SRRM1: variants seen among roughly 807,000 people sequenced by gnomAD.
SRRM1 encodes serine and arginine repetitive matrix 1.
In SRRM1, 19 loss-of-function variants were observed where a neutral mutation model predicts 110.2. The observed-to-expected ratio is 0.17, with a 90% confidence interval of 0.12 to 0.25. SRRM1 has a LOEUF of 0.25. SRRM1 is among the 10% of genes least tolerant of loss of function. The pLI is 1.00. For synonymous variants in SRRM1, 443 were observed against 414.9 expected, an observed-to-expected ratio of 1.07 and a Z score of -0.82; for missense variants, 918 against 1,145.8, an observed-to-expected ratio of 0.80 and a Z score of 2.87.
chr1:24,666,808 G>T lies in SRRM1; in HGVS notation c.1629-7G>T, dbSNP rs765398949. 6 of 1,608,836 alleles carry T rather than the reference G, an allele frequency of 3.7e-6. 1 individual carries two copies. In the South Asian group the frequency reaches 5.5e-5, roughly 15 times the overall value. ...AAAAAAATTAACTATAATTCTTCTT[G>T]GTTTAGTGGTAGACGGAGGAGAAGT... On this transcript the variant is annotated splice_polypyrimidine_tract_variant and splice_region_variant and intron_variant, in intron 12 of 16. Transcript: ENST00000323848.
In SRRM1 at chr1:24,669,410, C is replaced by T. The variant is rs760682595; in HGVS notation, c.2027C>T (p.Pro676Leu). 1.1e-5 allele frequency: 18 copies of T among 1,614,150 alleles called. No individual in the cohort carries two copies. In the South Asian group the frequency reaches 1.9e-4, roughly 17 times the overall value. The change falls in exon 14 of 17, where the codon CCA becomes CTA. Residue 676 changes from proline to leucine, a missense_variant. Physicochemically the swap from Pro to Leu is moderately conservative, Grantham distance 98. Around this residue, in one of 5 missense-constraint regions of SRRM1, gnomAD observed 357 missense variants for 402.9 expected, o/e 0.89. Coordinates refer to ENST00000323848, the MANE Select transcript of SRRM1 (RefSeq NM_005839.4). ...CGCTCTACCCGGGAGGCCCGATCAC[C>T]ACAACCAAACAAACGGCATTCGCCC... Reference protein sequence around the residue: ...PSRSTREARSPQPNKRHSPSP... With the variant: ...PSRSTREARSLQPNKRHSPSP...
chr1:24,648,308 G>A (rs975334669), intron 3 of SRRM1: 1 of 152,238 alleles, frequency 6.6e-6, no homozygotes, highest in Admixed American at 6.5e-5. Flanking sequence ...TTGAGGCATT[G>A]TTATAATAGA....
rs117369256 is a variant in SRRM1, at chr1:24,672,168, T to G, written c.2611-14T>G. ...GGTCTCAAGACTTAACCGTGTAAAT[T>G]CTGTTTTTTTTAGGAGACTGAAAGT... On this transcript the variant is annotated splice_polypyrimidine_tract_variant and intron_variant, in intron 16 of 16. Transcript: ENST00000323848. 803 of 1,598,064 alleles carry G rather than the reference T, an allele frequency of 5.0e-4. 19 individuals are homozygous for G. In the East Asian group the frequency reaches 0.018, roughly 35 times the overall value.
At chr1:24,660,663 T>C in intron 9 of SRRM1, 56 bp from the exon 10 acceptor site, 1 of 861,328 alleles carries the variant, frequency 1.2e-6, no homozygotes, top group South Asian at 2.0e-5. Flanking sequence ...AAGAAAAGCA[T>C]CTTGTATAGA....
intron 1 of SRRM1, among the ~76,000 whole-genome samples, chr1:24,645,671 C>CT (rs1657075260): frequency 6.6e-6 from 1 of 152,178 alleles, no homozygotes. Context: ...CCCTACGTAT[C>CT]TATTAGCATA....
chr1:24,648,288 A>C (rs1354569174), intron 3 of SRRM1: 2 of 152,296 alleles, frequency 1.3e-5, no homozygotes, highest in African/African-American at 4.8e-5. Flanking sequence ...CTTTGTGGAC[A>C]GTTGAGAATT....
chr1:24,648,839 C>T lies in SRRM1; in HGVS notation c.235-20C>T, dbSNP rs778145633. On this transcript the variant is annotated intron_variant, in intron 3 of 16. Coordinates refer to ENST00000323848, the MANE Select transcript of SRRM1 (RefSeq NM_005839.4). ...GGTTTTGAAGTAACCTGTTTTTCTT[C>T]CTGTCGTGTCTTTTTGCAGAATCCA... 14 of 1,602,184 alleles carry T rather than the reference C, an allele frequency of 8.7e-6. No individual in the cohort carries two copies. The highest frequency in any genetic ancestry group is 1.1e-5 in the Non-Finnish European group (13 of 1,176,032).
Position 24,652,550 on chromosome 1 carries a change from G to T in SRRM1, c.842G>T (p.Arg281Leu). 6.2e-7 allele frequency: 1 copy of T among 1,613,718 alleles called. No homozygotes were observed. Among genetic ancestry groups the T allele is most frequent in the Non-Finnish European group, 8.5e-7 (1 of 1,179,906 alleles). ...AAGACCCGACCACGATCTCGGTCAC[G>T]CTCCAAATCAAGATCCCGGACGCGG... ...KEKTRPRSRS[R>L]SKSRSRTRSR... Residue 281 changes from arginine to leucine, a missense_variant, in exon 7 of 17, where the codon CGC (arginine) becomes CTC (leucine). Arg to Leu is a moderately radical substitution (Grantham distance 102). Transcript: ENST00000323848.
chr1:24,656,075 TAAAAA>T (rs1038064714), intron 9 of SRRM1, among the ~76,000 whole-genome samples: 1 of 152,014 alleles, frequency 6.6e-6, no homozygotes, highest in Non-Finnish European at 1.5e-5. Context: ...TCCTGACTCT[TAAAAA>T]AAGAGAGAGA....
At chr1:24,669,061 C>T in intron 13 of SRRM1, 62 bp from the exon 14 acceptor site, 1 of 1,435,180 alleles carries the variant, frequency 7.0e-7, no homozygotes, top group Non-Finnish European at 9.6e-7. Context: ...CTACTGATTA[C>T]TTTTCATCCT....
chr1:24,654,449 T>G (rs1444321710), intron 8 of SRRM1: 2 of 985,050 alleles, frequency 2.0e-6, no homozygotes, highest in Non-Finnish European at 2.7e-6. Flanking sequence ...TTGCACATCT[T>G]TTTTAAAAAT....
At chr1:24,659,289 T>A (rs1284956410) in intron 9 of SRRM1, among the ~76,000 whole-genome samples, 1 of 152,214 alleles carries the variant, frequency 6.6e-6, no homozygotes, top group African/African-American at 2.4e-5. Context: ...AAGATGCGAT[T>A]ACTGTGTTAG....
intron 11 of SRRM1, among the ~76,000 whole-genome samples, chr1:24,661,929 T>C (rs924752169): frequency 1.3e-5 from 2 of 151,356 alleles, no homozygotes; most frequent in African/African-American, 4.9e-5. Context: ...CTACGAAAAA[T>C]ACAAAAATTA....
At position 24,652,474 on chromosome 1, in the gene SRRM1, C is replaced by A. The variant is rs1661552161; in HGVS notation, c.766C>A (p.Pro256Thr). The A allele has an allele frequency of 1.2e-6, 2 of 1,607,484 alleles. No individual in the cohort carries two copies. Among genetic ancestry groups the A allele is most frequent in the Admixed American group, 1.7e-5 (1 of 59,500 alleles). The change falls in exon 7 of 17, where the codon CCT becomes ACT. Residue 256 changes from proline (P) to threonine (T), a missense_variant. Pro to Thr is a conservative substitution (Grantham distance 38). Around this residue, in one of 5 missense-constraint regions of SRRM1, gnomAD observed 456 missense variants for 453.5 expected, o/e 1.01. Transcript: ENST00000323848. The part of the protein sequence containing the change: ...KVPKPEPIPE[P>T]KEPSPEKNSK... Reference sequence around the variant, plus strand: ...TCCCAAACCTGAACCTATACCAGAGCCTAAAGAACCTTCTCCGGAAAAAAA... The same window carrying A: ...TCCCAAACCTGAACCTATACCAGAGACTAAAGAACCTTCTCCGGAAAAAAA...
chr1:24,652,054 A>ATATATATG (rs890451642), intron 6 of SRRM1, among the ~76,000 whole-genome samples: 2 of 134,728 alleles, frequency 1.5e-5, no homozygotes, highest in African/African-American at 5.4e-5. Context: ...ATATATATAT[A>ATATATATG]TATATATATG....
At chr1:24,662,529 C>G in intron 11 of SRRM1, 131 bp from the exon 12 acceptor site, 1 of 675,980 alleles carries the variant, frequency 1.5e-6, no homozygotes, top group Non-Finnish European at 2.4e-6. Flanking sequence ...GATAATGATT[C>G]TGTTCAGAAC....
chr1:24,655,161 C>G (rs1246767597), intron 9 of SRRM1, 32 bp downstream of exon 9: 5 of 1,607,784 alleles, frequency 3.1e-6, no homozygotes, highest in African/African-American at 1.3e-5. Context: ...AACATGGTCT[C>G]TCTTTCTTTG....
chr1:24,663,223 A>T, intron 12 of SRRM1: 1 of 1,509,494 alleles, frequency 6.6e-7, no homozygotes, highest in Non-Finnish European at 9.0e-7. Flanking sequence ...AGTGACTAAA[A>T]GGTTGGTTAG....
chr1:24,649,566 G>A (rs762038580), intron 4 of SRRM1, among the ~76,000 whole-genome samples: 13 of 152,226 alleles, frequency 8.5e-5, no homozygotes, highest in Non-Finnish European at 1.5e-4. Context: ...TGATCTGCCC[G>A]CCCTTGGCGG....
Sources: gnomAD v4.1 joint callset for allele counts (sites outside exome capture counted in the v4.1 genomes callset) on GRCh38, gnomAD v4.1.1 for gene constraint, gnomAD v4.1.1 regional missense constraint, MANE v1.5 for transcripts, NCBI Gene and HGNC (gene_info 2026-07-23, HGNC 2026-07-21) for gene names.